Variants in NPEPL1 observed in about 807,000 individuals in gnomAD.
NPEPL1 encodes the protein probable aminopeptidase NPEPL1.
NPEPL1 carries 45 observed loss-of-function variants against 52.4 expected under a neutral mutation model. That is an observed-to-expected ratio of 0.86 (90% CI 0.68 to 1.10). NPEPL1 has a LOEUF of 1.10. NPEPL1 is among the 50% of genes least tolerant of loss of function. NPEPL1 has a pLI of 0.00. For missense variants in NPEPL1, 696 were observed against 710.9 expected, an observed-to-expected ratio of 0.98 and a Z score of 0.24; for synonymous variants, 360 against 314.7, an observed-to-expected ratio of 1.14 and a Z score of -1.52.
At chr20:58,691,955 C>A, upstream of NPEPL1, 2 of 704,664 alleles carry the variant, frequency 2.8e-6, no homozygotes, top group Non-Finnish European at 5.1e-6. Flanking sequence ...CAAGGCTCAC[C>A]CCTGGCTCCT....
intron 1 of NPEPL1, 196 bp from the exon 2 acceptor site, chr20:58,693,541 T>A: frequency 1.9e-6 from 1 of 516,338 alleles, no homozygotes; most frequent in Non-Finnish European, 3.4e-6. Flanking sequence ...ACCAGGGGGA[T>A]GCGAGCCAGC....
At chr20:58,704,052 G>T (rs1409546389) in intron 6 of NPEPL1, 3 of 985,250 alleles carry the variant, frequency 3.0e-6, no homozygotes. Context: ...TCAACCAGCA[G>T]GCCTTTCCTG....
rs1601140293 is a variant in NPEPL1 at position 58,714,015 on chromosome 20, G to A, written c.1224G>A (p.Val408=). The A allele has an allele frequency of 6.5e-7, 1 of 1,527,628 alleles. No homozygotes were observed. The highest frequency in any genetic ancestry group is 8.8e-7 in the Non-Finnish European group (1 of 1,140,506). The allele number at this position is 1,527,628 out of a possible 1,614,324, so 94.6% of individuals were successfully genotyped here. ...VKAGRKCGDL[V]HPLVYCPELH... ...CGGGCAGGAAGTGTGGGGACCTGGT[G>A]CACCCGCTGGTCTACTGCCCCGAGC... The change falls in exon 10 of 12, where the codon GTG becomes GTA. Residue 408 remains valine (V), a synonymous_variant. Transcript: ENST00000356091.
intron 7 of NPEPL1, among the ~76,000 whole-genome samples, chr20:58,708,682 G>T (rs111484034): frequency 5.3e-5 from 8 of 152,354 alleles, no homozygotes; most frequent in African/African-American, 1.9e-4. Flanking sequence ...AGCATCATAG[G>T]CCACGGGGCA....
chr20:58,712,473 C>T lies in NPEPL1; in HGVS notation c.901-6C>T. ...AACTGGAGCCTCTGCCCACTTCTCCCTCCAGGGTTTCAAAGACAACCTCCA... is the reference window on the plus strand; with the variant it reads ...AACTGGAGCCTCTGCCCACTTCTCCTTCCAGGGTTTCAAAGACAACCTCCA... On this transcript the variant is annotated splice_region_variant and splice_polypyrimidine_tract_variant and intron_variant, in intron 7 of 11. Transcript: ENST00000356091. The T allele has an allele frequency of 6.2e-7, 1 of 1,609,200 alleles. No homozygotes were observed. Among genetic ancestry groups the T allele is most frequent in the Non-Finnish European group, 8.5e-7 (1 of 1,175,906 alleles).
At chr20:58,698,543 C>A in intron 3 of NPEPL1, 141 bp from the exon 4 acceptor site, 1 of 731,184 alleles carries the variant, frequency 1.4e-6, no homozygotes, top group South Asian at 1.5e-5. Flanking sequence ...GAGCCATGGT[C>A]CCCCTCTCCC....
chr20:58,689,370 C>T (rs141776677), upstream of NPEPL1, among the ~76,000 whole-genome samples: 2,465 of 152,230 alleles, frequency 0.016, 56 homozygotes, highest in African/African-American at 0.056. Context: ...AAGTGATTCT[C>T]ATGCCTCAGC....
At position 58,715,303 on chromosome 20, in the gene NPEPL1, T is replaced by TCC. The variant is rs779530796; in HGVS notation, c.1550_1551dup (p.Lys518ProfsTer123). On this transcript the variant is annotated frameshift_variant, in exon 12 of 12. Coordinates refer to ENST00000356091, the MANE Select transcript of NPEPL1 (RefSeq NM_024663.4). LOFTEE classifies it high-confidence loss of function. ...CGAGGAGGGGGACCTGGGGAGGGAC[T>TCC]CCAAGAGACGCAGGCTTGTGTGAGC... The TCC allele has an allele frequency of 6.2e-7, 1 of 1,610,092 alleles. No individual in the cohort carries two copies. Among genetic ancestry groups the TCC allele is most frequent in the African/African-American group, 1.3e-5 (1 of 74,934 alleles).
At chr20:58,703,260 T>G (rs2084670027) in intron 6 of NPEPL1, among the ~76,000 whole-genome samples, 1 of 152,218 alleles carries the variant, frequency 6.6e-6, no homozygotes, top group South Asian at 2.1e-4. Context: ...GTTTGTGTGA[T>G]TAAAACGCAA....
chr20:58,692,245 G>C (rs372144782), upstream of NPEPL1: 2 of 211,378 alleles, frequency 9.5e-6, no homozygotes, highest in Non-Finnish European at 1.9e-5. The surrounding 1 kb of genome is among the most constrained non-coding windows in gnomAD (Gnocchi z 5.7). Flanking sequence ...CTGGCAGAGC[G>C]GGGTCTGATA....
At chr20:58,693,080 C>A in intron 1 of NPEPL1, 30 bp downstream of exon 1, 1 of 1,002,782 alleles carries the variant, frequency 1.0e-6, no homozygotes, top group Non-Finnish European at 1.2e-6. Context: ...CCATGCGACC[C>A]GCGCCGCGGA....
rs374402762 is a variant in NPEPL1 at position 58,713,390 on chromosome 20, C to T, written c.1002-30C>T. ...ATGCCAGTGTCCCAGGAAATCCCGT[C>T]CCTGAGCGGGGATCTCTACCATGCC... On this transcript the variant is annotated intron_variant, in intron 8 of 11. Transcript: ENST00000356091. The surrounding 1 kb of genome is among the most constrained non-coding windows in gnomAD (Gnocchi z 4.6). The T allele has an allele frequency of 2.8e-5, 44 of 1,567,836 alleles. No homozygotes were observed. The African/African-American group carries it at 5.8e-4, about 21-fold the overall frequency.
intron 7 of NPEPL1, chr20:58,710,863 A>G (rs1319988574): frequency 6.6e-6 from 1 of 152,452 alleles, no homozygotes; most frequent in Non-Finnish European, 1.5e-5. Context: ...AGACCTCAGC[A>G]CTGTTTGCCC....
intron 3 of NPEPL1, among the ~76,000 whole-genome samples, chr20:58,695,070 G>GGC (rs2084443718): frequency 1.1e-4 from 14 of 128,980 alleles, no homozygotes; most frequent in South Asian, 2.5e-4. Context: ...GTGCATGAGT[G>GGC]GTGTGTGTGG....
intron 2 of NPEPL1, 30 bp downstream of exon 2, chr20:58,693,952 T>C (rs753184745): frequency 1.5e-5 from 23 of 1,528,730 alleles, no homozygotes; most frequent in Non-Finnish European, 2.0e-5. Context: ...GCAGCCACGG[T>C]GCTCCTAGTC....
upstream of NPEPL1, chr20:58,691,519 G>T (rs1482331878): frequency 1.5e-6 from 1 of 666,342 alleles, no homozygotes; most frequent in Admixed American, 2.6e-5. Flanking sequence ...AGGGACCATG[G>T]CTCAGAGCTG....
Position 58,712,469 on chromosome 20 carries a change from C to T in NPEPL1, c.901-10C>T. On this transcript the variant is annotated splice_polypyrimidine_tract_variant and intron_variant, in intron 7 of 11. Coordinates refer to ENST00000356091, the MANE Select transcript of NPEPL1 (RefSeq NM_024663.4). ...CTACAACTGGAGCCTCTGCCCACTT[C>T]TCCCTCCAGGGTTTCAAAGACAACC... 2 of 1,603,194 alleles carry T rather than the reference C, an allele frequency of 1.2e-6. No individual in the cohort carries two copies. The highest frequency in any genetic ancestry group is 4.5e-5 in the East Asian group (2 of 44,756).
intron 6 of NPEPL1, chr20:58,703,440 TG>T: frequency 1.0e-6 from 1 of 984,784 alleles, no homozygotes; most frequent in Non-Finnish European, 1.2e-6. Flanking sequence ...CCCTACTGCC[TG>T]CACCTGGTAC....
rs371969513 is a variant in NPEPL1 at position 58,713,712 on chromosome 20, G to A, written c.1125+169G>A. On this transcript the variant is annotated intron_variant, in intron 9 of 11. Transcript: ENST00000356091. The surrounding 1 kb of genome is among the most constrained non-coding windows in gnomAD (Gnocchi z 4.6). ...CGTCAAGCTTGGTGTGGGCAGTACC[G>A]AGGCCCAGGCTGGATGCAGAGCCGG... is the stretch of plus-strand genomic sequence containing the variant. 8.0e-6 allele frequency: 9 copies of A among 1,125,240 alleles called. No individual in the cohort carries two copies. The East Asian group carries it at 2.2e-4, about 27-fold the overall frequency. 69.7% of individuals were successfully genotyped at this position (1,125,240 alleles called of 1,614,324 possible). A position where few individuals can be genotyped will look rare whatever the true frequency, so the allele number is the denominator to read the frequency against.
Sources: allele counts gnomAD v4.1 joint callset (sites outside exome capture counted in the v4.1 genomes callset), GRCh38; gene constraint gnomAD v4.1.1; non-coding constraint Gnocchi (gnomAD v3.1); transcripts MANE v1.5; gene names NCBI Gene and HGNC (gene_info 2026-07-23, HGNC 2026-07-21).